PEG3: variants seen among roughly 807,000 people sequenced by gnomAD.
PEG3 encodes paternally expressed 3, also known as paternally-expressed gene 3 protein.
Under a neutral mutation model 35.5 loss-of-function variants are expected in PEG3, and 23 were observed. That is an observed-to-expected ratio of 0.65 (90% CI 0.47 to 0.92). The LOEUF (loss-of-function observed/expected upper bound fraction) is 0.92, where lower values mean the gene tolerates loss of function less well. Ranked by LOEUF, PEG3 falls within the 40% of genes least tolerant of loss-of-function variation. The pLI is 0.00. For synonymous variants in PEG3, 707 were observed against 697.0 expected (o/e 1.01, Z -0.23); for missense variants, 1,960 against 1,985.3 (o/e 0.99, Z 0.24).
chr19:56,825,165 C>T (rs909969784), intron 3 of PEG3, among the ~76,000 whole-genome samples: 1 of 152,180 alleles, frequency 6.6e-6, no homozygotes, highest in African/African-American at 2.4e-5. Context: ...GACGTCAGCA[C>T]GTTTATTAGC....
Position 56,814,715 on chromosome 19 carries a change from G to A in PEG3, c.3727C>T (p.His1243Tyr). 1.2e-6 allele frequency: 2 copies of A among 1,614,008 alleles called. No individual in the cohort carries two copies. The highest frequency in any genetic ancestry group is 1.7e-6 in the Non-Finnish European group (2 of 1,179,966). ...GFIHSSALNE[H>Y]MRLHREDDLL... is the part of the protein sequence containing the mutation. ...TCATCTTCCCTATGAAGTCTCATAT[G>A]CTCATTAAGGGCAGAGCTATGAATG... is the stretch of plus-strand genomic sequence containing the variant. Residue 1243 changes from histidine (H) to tyrosine (Y), a missense_variant, in exon 10 of 10, where the codon CAT becomes TAT. This residue lies in a region of PEG3 where 124 missense variants were observed against 179.6 expected (regional missense o/e 0.69). Transcript: ENST00000326441. This position sits in a 1 kb window ranked among gnomAD's most constrained non-coding sequence, Gnocchi z 5.8.
At position 56,813,670 on chromosome 19, in the gene PEG3, T is replaced by C. The variant is rs2059697936; in HGVS notation, c.*5A>G. ...TGAAGGTTTTCTAACCTTTACCCCA[T>C]GCCCTCAGCCAGTGTGGGTATTCTG... On this transcript the variant is annotated 3_prime_UTR_variant, in exon 10 of 10. Coordinates refer to ENST00000326441, the MANE Select transcript of PEG3 (RefSeq NM_006210.3). 6.2e-7 allele frequency: 1 copy of C among 1,609,588 alleles called. No homozygotes were observed. Among genetic ancestry groups the C allele is most frequent in the Admixed American group, 1.7e-5 (1 of 59,906 alleles).
rs935486232 is a variant in PEG3 at position 56,814,072 on chromosome 19, C to T, written c.4370G>A (p.Gly1457Asp). The change falls in exon 10 of 10, where the codon GGT (glycine) becomes GAT (aspartate). Residue 1457 changes from glycine (G) to aspartate (D), a missense_variant. Physicochemically the swap from Gly to Asp is moderately conservative, Grantham distance 94. Coordinates refer to ENST00000326441, the MANE Select transcript of PEG3 (RefSeq NM_006210.3). The surrounding 1 kb of genome is among the most constrained non-coding windows in gnomAD (Gnocchi z 5.8). Reference protein sequence around the residue: ...NGDADEPDGAGIEDPEERAEE... With the variant: ...NGDADEPDGADIEDPEERAEE... Reference sequence around the variant, plus strand: ...AGCTCTTTCTTCTGGGTCTTCAATACCTGCACCATCTGGCTCATCAGCATC... The same window carrying T: ...AGCTCTTTCTTCTGGGTCTTCAATATCTGCACCATCTGGCTCATCAGCATC... The T allele has an allele frequency of 1.2e-6, 2 of 1,614,172 alleles. No homozygotes were observed.
At position 56,824,182 on chromosome 19, in the gene PEG3, T is replaced by C. The variant is rs116088747; in HGVS notation, c.394+80A>G. Reference sequence around the variant, plus strand: ...ACAGAGAGTTATCCAGTCCAGACCATGTCAGAAGTGTGGAGGCTGAGAGCC... The same window carrying C: ...ACAGAGAGTTATCCAGTCCAGACCACGTCAGAAGTGTGGAGGCTGAGAGCC... On this transcript the variant is annotated intron_variant, in intron 4 of 9. Transcript: ENST00000326441. 7.0e-4 allele frequency: 1,086 copies of C among 1,557,456 alleles called. 7 individuals carry two copies. In the African/African-American group the frequency reaches 0.013, roughly 18 times the overall value.
At position 56,810,841 on chromosome 19, in the gene PEG3, A is replaced by G; in HGVS notation, c.*2834T>C. ...TATAGGTAATTTTTTAAAATAATTT[A>G]CTTTATTTTCTAATTTTTCCTCTGG... On this transcript the variant is annotated 3_prime_UTR_variant, in exon 10 of 10. Coordinates refer to ENST00000326441, the MANE Select transcript of PEG3 (RefSeq NM_006210.3). 2.1e-6 allele frequency: 2 copies of G among 963,654 alleles called. No individual in the cohort carries two copies. Among genetic ancestry groups the G allele is most frequent in the Non-Finnish European group, 2.5e-6 (2 of 811,222 alleles). The allele number at this position is 963,654 out of a possible 1,614,324, so 59.7% of individuals were successfully genotyped here.
At chr19:56,820,418 G>T (rs1336548291) in intron 7 of PEG3, among the ~76,000 whole-genome samples, 1 of 152,186 alleles carries the variant, frequency 6.6e-6, no homozygotes, top group Non-Finnish European at 1.5e-5. Context: ...TTCACACATT[G>T]TCAAGGAAGG....
At chr19:56,817,691 T>G (rs931279574) in intron 9 of PEG3, 55 bp downstream of exon 9, 3 of 1,564,530 alleles carry the variant, frequency 1.9e-6, no homozygotes, top group Non-Finnish European at 2.6e-6. Context: ...TAGAAGTTCC[T>G]TGATAGCATC....
At chr19:56,831,705 C>T (rs2061583888) in intron 2 of PEG3, among the ~76,000 whole-genome samples, 1 of 152,222 alleles carries the variant, frequency 6.6e-6, no homozygotes, top group Admixed American at 6.5e-5. Context: ...AGGAATGTTA[C>T]AGCTTTATTT....
At position 56,817,285 on chromosome 19, in the gene PEG3, C is replaced by G; in HGVS notation, c.1157G>C (p.Arg386Thr). The G allele has an allele frequency of 6.2e-7, 1 of 1,614,168 alleles. No individual in the cohort carries two copies. The highest frequency in any genetic ancestry group is 8.5e-7 in the Non-Finnish European group (1 of 1,180,028). ...RFNSTLVSRK[R>T]VLERKRRYHF... ...ATAGCGCCTCTTTCTTTCAAGAACT[C>G]TCTTTCTGGAAACAAGGGTTGAATT... The change falls in exon 10 of 10, where the codon AGA (arginine) becomes ACA (threonine). Residue 386 changes from arginine to threonine, a missense_variant. Arg to Thr is a moderately conservative substitution (Grantham distance 71). Transcript: ENST00000326441.
At chr19:56,817,626 G>C (rs746148935) in intron 9 of PEG3, 47 bp from the exon 10 acceptor site, 1 of 1,534,770 alleles carries the variant, frequency 6.5e-7, no homozygotes, top group Admixed American at 1.7e-5. Context: ...CCCATAAGAA[G>C]GACAGTGGGA....
chr19:56,815,869 T>C lies in PEG3; in HGVS notation c.2573A>G (p.Lys858Arg). The change falls in exon 10 of 10, where the codon AAG (lysine) becomes AGG (arginine). Residue 858 changes from lysine to arginine, a missense_variant. By Grantham distance (26) the Lys-to-Arg change is conservative (BLOSUM62 2). Transcript: ENST00000326441. ...NGNELVESNEKGESSIYISDL... is the reference protein window; with the variant it reads ...NGNELVESNERGESSIYISDL... Reference sequence around the variant, plus strand: ...TGAGATATAAATGGAGGATTCTCCCTTCTCATTAGATTCCACCAATTCATT... The same window carrying C: ...TGAGATATAAATGGAGGATTCTCCCCTCTCATTAGATTCCACCAATTCATT... 6.2e-7 allele frequency: 1 copy of C among 1,613,526 alleles called. No individual in the cohort carries two copies. The highest frequency in any genetic ancestry group is 8.5e-7 in the Non-Finnish European group (1 of 1,179,616).
chr19:56,823,622 G>A lies in PEG3; in HGVS notation c.452C>T (p.Ser151Phe), dbSNP rs371901713. Reference protein sequence around the residue: ...DDDMTRNRRESSPPHSVHSFS... With the variant: ...DDDMTRNRREFSPPHSVHSFS... ...AGAATGGACTGAGTGAGGTGGTGAG[G>A]ACTCTCTTCTGTTCCGGGTCATGTC... is the stretch of plus-strand genomic sequence containing the variant. The change falls in exon 5 of 10, where the codon TCC (serine) becomes TTC (phenylalanine). Residue 151 changes from serine to phenylalanine, a missense_variant. Coordinates refer to ENST00000326441, the MANE Select transcript of PEG3 (RefSeq NM_006210.3). The A allele has an allele frequency of 4.3e-6, 7 of 1,614,000 alleles. No individual in the cohort carries two copies. Among genetic ancestry groups the A allele is most frequent in the African/African-American group, 2.7e-5 (2 of 74,884 alleles).
chr19:56,839,479 G>A (rs1160317014), intron 1 of PEG3, among the ~76,000 whole-genome samples: 1 of 151,370 alleles, frequency 6.6e-6, no homozygotes, highest in Non-Finnish European at 1.5e-5. Context: ...GCCTTGCCCC[G>A]CCCCATATGC....
At chr19:56,828,749 TAC>T (rs1333257084) in intron 2 of PEG3, among the ~76,000 whole-genome samples, 1 of 152,170 alleles carries the variant, frequency 6.6e-6, no homozygotes, top group Non-Finnish European at 1.5e-5. Context: ...ACAACACTAA[TAC>T]ACAGAGTTCC....
rs1255100232 is a variant in PEG3 at position 56,813,874 on chromosome 19, T to C, written c.4568A>G (p.His1523Arg). The change falls in exon 10 of 10, where the codon CAC (histidine) becomes CGC (arginine). Residue 1523 changes from histidine (H) to arginine (R), a missense_variant. Coordinates refer to ENST00000326441, the MANE Select transcript of PEG3 (RefSeq NM_006210.3). ...TFTSSTAFSE[H>R]LKTHASMIIF... Reference sequence around the variant, plus strand: ...GATCATGCTGGCATGAGTTTTCAGGTGTTCACTGAATGCTGTGCTGGAAGT... The same window carrying C: ...GATCATGCTGGCATGAGTTTTCAGGCGTTCACTGAATGCTGTGCTGGAAGT... 1.2e-6 allele frequency: 2 copies of C among 1,614,046 alleles called. No individual in the cohort carries two copies. The highest frequency in any genetic ancestry group is 1.7e-6 in the Non-Finnish European group (2 of 1,180,022).
Position 56,816,449 on chromosome 19 carries a change from T to C in PEG3, c.1993A>G (p.Thr665Ala). ...FENKGKVCEE[T>A]FIPGQSLKRR... The stretch of plus-strand genomic sequence containing the variant: ...TTAAGGGACTGACCAGGAATAAAGG[T>C]TTCCTCACACACTTTACCCTTGTTT... The change falls in exon 10 of 10, where the codon ACC becomes GCC. Residue 665 changes from threonine to alanine, a missense_variant. By Grantham distance (58) the Thr-to-Ala change is moderately conservative. This residue lies in a region of PEG3 where 798 missense variants were observed against 782.4 expected (regional missense o/e 1.02). Transcript: ENST00000326441. 2.5e-6 allele frequency: 4 copies of C among 1,614,010 alleles called. No individual in the cohort carries two copies. Among genetic ancestry groups the C allele is most frequent in the Non-Finnish European group, 3.4e-6 (4 of 1,179,938 alleles).
chr19:56,823,672 G>T lies in PEG3; in HGVS notation c.402C>A (p.Asn134Lys), dbSNP rs771097387. ...YKEMYQPEDD[N>K]NSDVTSDDDM... ...CGTCGTCGCTGGTCACGTCACTGTT[G>T]TTGTCGTCTAAGAGGACACCGGTCG... Residue 134 changes from asparagine to lysine, a missense_variant, in exon 5 of 10, where the codon AAC becomes AAA. Asn to Lys is a moderately conservative substitution (Grantham distance 94). Transcript: ENST00000326441. 6.2e-7 allele frequency: 1 copy of T among 1,614,152 alleles called. No homozygotes were observed. The highest frequency in any genetic ancestry group is 1.3e-5 in the African/African-American group (1 of 75,026).
At chr19:56,823,509 G>C in intron 5 of PEG3, 84 bp downstream of exon 5, 1 of 1,548,068 alleles carries the variant, frequency 6.5e-7, no homozygotes, top group Non-Finnish European at 8.9e-7. Context: ...CATCTTCATG[G>C]AGGCCCCAAC....
At chr19:56,833,564 T>C (rs187066875) in intron 2 of PEG3, 3 of 206,308 alleles carry the variant, frequency 1.5e-5, no homozygotes, top group Admixed American at 5.3e-5. Flanking sequence ...TGCTACAGCC[T>C]GATTCCTTCT....
Sources: allele counts gnomAD v4.1 joint callset (sites outside exome capture counted in the v4.1 genomes callset), GRCh38; gene constraint gnomAD v4.1.1; regional missense constraint gnomAD v4.1.1; non-coding constraint Gnocchi (gnomAD v3.1); transcripts MANE v1.5; gene names NCBI Gene and HGNC (gene_info 2026-07-23, HGNC 2026-07-21).